The following CDH13 variants were observed in gnomAD, a reference collection of about 807,000 sequenced individuals.
The protein encoded by CDH13 is cadherin 13, also known as cadherin-13.
In CDH13, 24 loss-of-function variants were observed where a neutral mutation model predicts 63.8. That is an observed-to-expected ratio of 0.38 (90% CI 0.27 to 0.53). The LOEUF (loss-of-function observed/expected upper bound fraction) is 0.53, where lower values mean the gene tolerates loss of function less well. Ranked by LOEUF, CDH13 falls within the 20% of genes least tolerant of loss-of-function variation. The probability of loss-of-function intolerance (pLI) is 0.85; values close to 1 mark genes in which losing one functional copy is unlikely to be tolerated. For missense variants in CDH13, 1,049 were observed against 903.1 expected (o/e 1.16, Z -2.07); for synonymous variants, 503 against 355.3 (o/e 1.42, Z -4.67).
At chr16:82,674,706 C>G (rs79332554) in intron 1 of CDH13, among the ~76,000 whole-genome samples, 37 of 152,168 alleles carry the variant, frequency 2.4e-4, no homozygotes, top group African/African-American at 8.0e-4. Flanking sequence ...AACATTTTTT[C>G]CAAGTCAATT....
chr16:83,555,853 CTG>C (rs1367267043), intron 7 of CDH13, among the ~76,000 whole-genome samples: 2 of 152,202 alleles, frequency 1.3e-5, no homozygotes, highest in African/African-American at 4.8e-5. Context: ...GTTGCAAGGA[CTG>C]TACATGACAT....
At chr16:82,730,133 T>C (rs1376888254) in intron 1 of CDH13, among the ~76,000 whole-genome samples, 1 of 152,236 alleles carries the variant, frequency 6.6e-6, no homozygotes, top group Non-Finnish European at 1.5e-5. Context: ...TACTTTTATA[T>C]CATTTGAGTT....
intron 6 of CDH13, among the ~76,000 whole-genome samples, chr16:83,452,390 A>G (rs1170034022): frequency 6.6e-6 from 1 of 151,904 alleles, no homozygotes; most frequent in African/African-American, 2.4e-5. Flanking sequence ...GCCAAGTTCT[A>G]TACTAGGCTG....
chr16:83,308,250 A>G (rs796705459), intron 5 of CDH13, among the ~76,000 whole-genome samples: 1 of 152,176 alleles, frequency 6.6e-6, no homozygotes, highest in Non-Finnish European at 1.5e-5. Flanking sequence ...CCAAACATAT[A>G]TTTTGTGCTT....
chr16:83,124,541 T>G (rs570404625), intron 3 of CDH13, among the ~76,000 whole-genome samples: 5 of 151,226 alleles, frequency 3.3e-5, no homozygotes, highest in African/African-American at 1.2e-4. Context: ...TTTTTTTTTT[T>G]GGTCATGTTT....
chr16:82,673,475 C>T (rs1419107638), intron 1 of CDH13, among the ~76,000 whole-genome samples: 1 of 152,098 alleles, frequency 6.6e-6, no homozygotes, highest in Non-Finnish European at 1.5e-5. Flanking sequence ...CTGACTGTGG[C>T]ACTTTGCTTT....
At chr16:82,892,732 C>A (rs1473438227) in intron 2 of CDH13, among the ~76,000 whole-genome samples, 1 of 151,914 alleles carries the variant, frequency 6.6e-6, no homozygotes, top group African/African-American at 2.4e-5. Flanking sequence ...CAGTGTTTTT[C>A]TTCTTTTTTT....
chr16:83,459,353 G>A lies in CDH13; in HGVS notation c.782-27124G>A, dbSNP rs182283725. Among the ~76,000 whole-genome samples, 619 of 152,196 alleles carry A rather than the reference G, an allele frequency of 4.1e-3. 5 individuals carry two copies. The highest frequency in any genetic ancestry group is 0.014 in the African/African-American group (598 of 41,526). On this transcript the variant is annotated intron_variant, in intron 6 of 13. Coordinates refer to ENST00000567109, the MANE Select transcript of CDH13 (RefSeq NM_001257.5). ...ACAGAATAAACGTGATTAAATTATCGGACAGAAACACATGACTATAAATAA... is the reference window on the plus strand; with the variant it reads ...ACAGAATAAACGTGATTAAATTATCAGACAGAAACACATGACTATAAATAA...
At chr16:82,852,737 A>G (rs1299792629) in intron 1 of CDH13, among the ~76,000 whole-genome samples, 1 of 152,210 alleles carries the variant, frequency 6.6e-6, no homozygotes, top group African/African-American at 2.4e-5. Flanking sequence ...GAGCAGAAAC[A>G]AGAACCAGGG....
At chr16:82,725,377 A>G (rs1416198343) in intron 1 of CDH13, among the ~76,000 whole-genome samples, 1 of 152,196 alleles carries the variant, frequency 6.6e-6, no homozygotes, top group Non-Finnish European at 1.5e-5. Flanking sequence ...GAGGGAGAAT[A>G]GTGGGTTCTG....
intron 11 of CDH13, among the ~76,000 whole-genome samples, chr16:83,753,464 G>C (rs1380808998): frequency 6.6e-6 from 1 of 152,124 alleles, no homozygotes; most frequent in Non-Finnish European, 1.5e-5. Flanking sequence ...AGGATCACCT[G>C]AACCCAGGTA....
At chr16:83,015,727 A>G (rs1356375298) in intron 2 of CDH13, among the ~76,000 whole-genome samples, 2 of 132,916 alleles carry the variant, frequency 1.5e-5, no homozygotes, top group African/African-American at 5.5e-5. Flanking sequence ...ATATATAAAG[A>G]AAAAGCACGA....
chr16:83,546,941 C>T (rs1241185643), intron 7 of CDH13, among the ~76,000 whole-genome samples: 1 of 152,152 alleles, frequency 6.6e-6, no homozygotes, highest in Non-Finnish European at 1.5e-5. Context: ...TGAATGAAGG[C>T]ACAACAAAAA....
intron 3 of CDH13, among the ~76,000 whole-genome samples, chr16:83,113,191 C>T (rs905021363): frequency 6.6e-6 from 1 of 152,218 alleles, no homozygotes; most frequent in African/African-American, 2.4e-5. Context: ...GATTTGGTTA[C>T]TTCACAAAGC....
intron 1 of CDH13, among the ~76,000 whole-genome samples, chr16:82,695,504 C>G (rs2030171400): frequency 6.6e-6 from 1 of 152,104 alleles, no homozygotes; most frequent in Non-Finnish European, 1.5e-5. Context: ...AGGACTTCAC[C>G]TCTTGTCTGT....
intron 1 of CDH13, chr16:82,824,175 A>G (rs780040229): frequency 1.3e-4 from 20 of 152,188 alleles, no homozygotes; most frequent in Non-Finnish European, 2.6e-4. Context: ...AAAACAAAAT[A>G]AGTGATTTCA....
chr16:83,043,487 ATGAGTGTGTGTGTGTGTGTG>A (rs1158692700), intron 3 of CDH13, among the ~76,000 whole-genome samples: 2 of 133,264 alleles, frequency 1.5e-5, no homozygotes, highest in Non-Finnish European at 3.1e-5. Flanking sequence ...AACTGTATAT[ATGAGTGTGTGTGTGTGTGTG>A]TGTGTGTGTG....
intron 7 of CDH13, among the ~76,000 whole-genome samples, chr16:83,503,332 C>A (rs1030385646): frequency 6.6e-6 from 1 of 152,080 alleles, no homozygotes; most frequent in African/African-American, 2.4e-5. Flanking sequence ...GAGTTTGTAC[C>A]CAAATAAATT....
chr16:83,300,095 C>G (rs1039011406), intron 5 of CDH13, among the ~76,000 whole-genome samples: 2 of 152,212 alleles, frequency 1.3e-5, no homozygotes, highest in Non-Finnish European at 1.5e-5. Context: ...TTAGCCCATA[C>G]TCAAAGGGAA....
Sources: allele counts gnomAD v4.1 joint callset (sites outside exome capture counted in the v4.1 genomes callset), GRCh38; gene constraint gnomAD v4.1.1; transcripts MANE v1.5; gene names NCBI Gene and HGNC (gene_info 2026-07-23, HGNC 2026-07-21).